ROS1: variants seen among roughly 807,000 people sequenced by gnomAD.
ROS1 encodes the protein ROS proto-oncogene 1, receptor tyrosine kinase, also known as proto-oncogene tyrosine-protein kinase ROS.
ROS1 carries 263 observed loss-of-function variants against 273.5 expected under a neutral mutation model. The ratio of observed to expected loss-of-function variants is 0.96; its 90% CI spans 0.87 to 1.06. The LOEUF (loss-of-function observed/expected upper bound fraction) is 1.06. ROS1 is among the 50% of genes least tolerant of loss of function. ROS1 has a pLI of 0.00. For synonymous variants in ROS1, 1,008 were observed against 954.1 expected, an observed-to-expected ratio of 1.06 and a Z score of -1.04; for missense variants, 2,833 against 2,751.1, an observed-to-expected ratio of 1.03 and a Z score of -0.67.
chr6:117,389,940 A>AGAT, intron 12 of ROS1, 94 bp from the exon 13 acceptor site: 2 of 1,128,126 alleles, frequency 1.8e-6, no homozygotes, highest in Non-Finnish European at 2.5e-6. Context: ...GCACAATCAG[A>AGAT]ACTATGTATC....
intron 12 of ROS1, among the ~76,000 whole-genome samples, chr6:117,390,301 A>AT (rs970711897): frequency 6.6e-6 from 1 of 151,874 alleles, no homozygotes; most frequent in Admixed American, 6.6e-5. Context: ...TAATTTTTGT[A>AT]TTTTTTGTGG....
At chr6:117,343,439 A>C (rs1263235927) in intron 28 of ROS1, among the ~76,000 whole-genome samples, 2 of 152,184 alleles carry the variant, frequency 1.3e-5, no homozygotes, top group Non-Finnish European at 2.9e-5. Flanking sequence ...CACTAAGACA[A>C]CTGAAATACT....
chr6:117,418,608 C>T (rs575179690), intron 1 of ROS1, 102 bp from the exon 2 acceptor site: 138 of 755,100 alleles, frequency 1.8e-4, no homozygotes, highest in Non-Finnish European at 2.5e-4. Flanking sequence ...TTGCCTCCTC[C>T]GCATTTTGTA....
rs1775501541 is a variant in ROS1 at position 117,418,450 on chromosome 6, G to A, written c.168+12C>T. The A allele has an allele frequency of 1.9e-6, 3 of 1,581,870 alleles. No homozygotes were observed. The highest frequency in any genetic ancestry group is 2.6e-6 in the Non-Finnish European group (3 of 1,161,248). Reference sequence around the variant, plus strand: ...CATTGTAATATTCTTGACAACTGAAGAAATTACTTACCGGTTCACTCAGAT... The same window carrying A: ...CATTGTAATATTCTTGACAACTGAAAAAATTACTTACCGGTTCACTCAGAT... On this transcript the variant is annotated intron_variant, in intron 2 of 43. Coordinates refer to ENST00000368507, the MANE Select transcript of ROS1 (RefSeq NM_001378902.1).
chr6:117,353,734 A>C (rs1779068460), intron 26 of ROS1, among the ~76,000 whole-genome samples: 1 of 152,218 alleles, frequency 6.6e-6, no homozygotes, highest in Non-Finnish European at 1.5e-5. Flanking sequence ...AAAATCCTAA[A>C]TTTAAGTTTC....
At chr6:117,375,457 A>G (rs1781252822) in intron 18 of ROS1, among the ~76,000 whole-genome samples, 1 of 152,198 alleles carries the variant, frequency 6.6e-6, no homozygotes, top group Admixed American at 6.5e-5. Context: ...AAATTTTTTA[A>G]AAAAAGAAAA....
intron 7 of ROS1, among the ~76,000 whole-genome samples, chr6:117,402,652 C>T (rs537810602): frequency 1.3e-5 from 2 of 152,236 alleles, no homozygotes; most frequent in East Asian, 3.9e-4. Flanking sequence ...CTTTGGGAGG[C>T]CAAGGCGGGC....
In ROS1 at chr6:117,359,801, T is replaced by C. The variant is rs1779632720; in HGVS notation, c.3633+8A>G. 6.2e-7 allele frequency: 1 copy of C among 1,609,568 alleles called. No homozygotes were observed. Among genetic ancestry groups the C allele is most frequent in the Non-Finnish European group, 8.5e-7 (1 of 1,176,294 alleles). ...CCTTTATTTCGGAAGAATTACATAG[T>C]GAAATACCTCAGAGCTAGAGCGATT... On this transcript the variant is annotated splice_region_variant and intron_variant, in intron 24 of 43. Transcript: ENST00000368507.
intron 39 of ROS1, among the ~76,000 whole-genome samples, 189 bp downstream of exon 39, chr6:117,316,954 C>G (rs1418897848): frequency 2.0e-5 from 3 of 151,970 alleles, no homozygotes; most frequent in Non-Finnish European, 4.4e-5. Context: ...GCTCACATGA[C>G]CAGAAAGTGC....
Position 117,403,290 on chromosome 6 carries a change from G to A in ROS1, c.466-13C>T, listed in dbSNP as rs758528044. 2 of 1,610,082 alleles carry A rather than the reference G, an allele frequency of 1.2e-6. No individual in the cohort carries two copies. Among genetic ancestry groups the A allele is most frequent in the Non-Finnish European group, 1.7e-6 (2 of 1,178,994 alleles). On this transcript the variant is annotated splice_polypyrimidine_tract_variant and intron_variant, in intron 6 of 43. Coordinates refer to ENST00000368507, the MANE Select transcript of ROS1 (RefSeq NM_001378902.1). ...GTCTGGACACAGTCTAGATCAAGGAGTGATCAATCATCAGCATTATAGAAT... is the reference window on the plus strand; with the variant it reads ...GTCTGGACACAGTCTAGATCAAGGAATGATCAATCATCAGCATTATAGAAT...
rs577776761 is a variant in ROS1, at chr6:117,360,026, A to G, written c.3431-15T>C. On this transcript the variant is annotated splice_polypyrimidine_tract_variant and intron_variant, in intron 23 of 43. Transcript: ENST00000368507. ...TGGGTTGATTTCTGAAAGCAAAAAA[A>G]CATGTAGATAATATGCATGAGAAAA... is the stretch of plus-strand genomic sequence containing the variant. 1 of 1,601,082 alleles carries G rather than the reference A, an allele frequency of 6.2e-7. No individual in the cohort carries two copies. The highest frequency in any genetic ancestry group is 8.6e-7 in the Non-Finnish European group (1 of 1,169,240).
chr6:117,411,073 T>C (rs1027828637), intron 4 of ROS1, among the ~76,000 whole-genome samples: 5 of 152,108 alleles, frequency 3.3e-5, no homozygotes, highest in Non-Finnish European at 7.4e-5. Context: ...TTTTGAAATA[T>C]AGGTAGTCTT....
Position 117,326,521 on chromosome 6 carries a change from C to T in ROS1, c.5349-107G>A, listed in dbSNP as rs997738801. 10 of 654,410 alleles carry T rather than the reference C, an allele frequency of 1.5e-5. No individual in the cohort carries two copies. In the Admixed American group the frequency reaches 2.7e-4, roughly 18 times the overall value. The allele number at this position is 654,410 out of a possible 1,614,324, so 40.5% of individuals were successfully genotyped here. On this transcript the variant is annotated intron_variant, in intron 33 of 43. Coordinates refer to ENST00000368507, the MANE Select transcript of ROS1 (RefSeq NM_001378902.1). ...GAACGCCAGAGAGTGTCCTTTGGCA[C>T]AATTTACCCTTGACCTCATTCCTCT...
chr6:117,318,305 C>T, intron 37 of ROS1, 53 bp from the exon 38 acceptor site: 1 of 1,301,832 alleles, frequency 7.7e-7, no homozygotes, highest in Admixed American at 1.7e-5. Context: ...TTTCTGTGAG[C>T]TCAGTGGGTT....
chr6:117,316,361 T>C (rs908351203), intron 39 of ROS1, among the ~76,000 whole-genome samples: 2 of 152,124 alleles, frequency 1.3e-5, no homozygotes, highest in Non-Finnish European at 2.9e-5. Context: ...ATATGCTTTG[T>C]CACACATTTT....
intron 34 of ROS1, among the ~76,000 whole-genome samples, chr6:117,324,882 C>T (rs1776527903): frequency 6.6e-6 from 1 of 152,046 alleles, no homozygotes; most frequent in Non-Finnish European, 1.5e-5. Flanking sequence ...CAGAGTCTGG[C>T]AAACTATGGC....
At chr6:117,314,391 G>A (rs561633583) in intron 39 of ROS1, among the ~76,000 whole-genome samples, 125 of 152,216 alleles carry the variant, frequency 8.2e-4, no homozygotes, top group African/African-American at 2.8e-3. Flanking sequence ...GAATTGAGCT[G>A]TTTTTCACTA....
chr6:117,418,209 A>G (rs1343331720), intron 2 of ROS1, among the ~76,000 whole-genome samples: 1 of 152,100 alleles, frequency 6.6e-6, no homozygotes, highest in Non-Finnish European at 1.5e-5. Context: ...CAGAAAAATT[A>G]AGTAATTTGT....
chr6:117,369,760 A>C (rs1437104932), intron 18 of ROS1, among the ~76,000 whole-genome samples: 1 of 152,178 alleles, frequency 6.6e-6, no homozygotes, highest in East Asian at 1.9e-4. Context: ...TCTGATTCAC[A>C]GGTAGGAAAC....
Sources: gnomAD v4.1 joint callset for allele counts (sites outside exome capture counted in the v4.1 genomes callset) on GRCh38, gnomAD v4.1.1 for gene constraint, MANE v1.5 for transcripts, NCBI Gene and HGNC (gene_info 2026-07-23, HGNC 2026-07-21) for gene names.